Variants in PCBP3 observed in about 807,000 individuals in gnomAD.
The protein encoded by PCBP3 is poly(rC)-binding protein 3.
PCBP3 carries 25 observed loss-of-function variants against 52.7 expected under a neutral mutation model. The observed-to-expected ratio is 0.47, with a 90% CI of 0.35 to 0.66. The LOEUF is 0.66. Among genes scored for constraint, PCBP3 ranks in the 30% least tolerant of loss-of-function variants. The pLI is 0.01. For missense variants in PCBP3, 391 were observed against 490.3 expected (o/e 0.80, Z 1.91); for synonymous variants, 162 against 183.0 (o/e 0.89, Z 0.93).
At chr21:45,703,792 A>T (rs1164832973) in intron 2 of PCBP3, among the ~76,000 whole-genome samples, 6 of 152,006 alleles carry the variant, frequency 3.9e-5, no homozygotes, top group Admixed American at 3.9e-4. Context: ...GTTTGGTGAT[A>T]CATCTCCTGG....
intron 5 of PCBP3, among the ~76,000 whole-genome samples, chr21:45,885,193 T>C (rs1373564096): frequency 1.3e-5 from 2 of 152,208 alleles, no homozygotes; most frequent in African/African-American, 2.4e-5. Context: ...TTCTGTCCTT[T>C]TCAGCACTGA....
At chr21:45,738,505 C>T (rs1256189363) in intron 3 of PCBP3, among the ~76,000 whole-genome samples, 5 of 152,190 alleles carry the variant, frequency 3.3e-5, no homozygotes, top group Admixed American at 6.5e-5. Context: ...CCACACGCCT[C>T]GGCCTCCCAA....
chr21:45,918,036 A>C lies in PCBP3; in HGVS notation c.717+407A>C, dbSNP rs533781092. The C allele has an allele frequency of 1.1e-3, 317 of 284,248 alleles. 2 individuals are homozygous for C. The highest frequency in any genetic ancestry group is 1.3e-3 in the Non-Finnish European group (189 of 145,790). 17.6% of individuals were successfully genotyped at this position (284,248 alleles called of 1,614,324 possible). ...AAACAGGCCACAAAGATACCTTGGC[A>C]AGCACATTTGAGGGCCTGGTGAAAT... On this transcript the variant is annotated intron_variant, in intron 13 of 17. Coordinates refer to ENST00000681687, the MANE Select transcript of PCBP3 (RefSeq NM_001384156.1).
At chr21:45,865,490 G>A (rs2094682827) in intron 5 of PCBP3, among the ~76,000 whole-genome samples, 1 of 152,190 alleles carries the variant, frequency 6.6e-6, no homozygotes, top group Non-Finnish European at 1.5e-5. Context: ...AAGCAACAAG[G>A]TGATGTCCCC....
chr21:45,792,640 G>A (rs1018903639), intron 4 of PCBP3, among the ~76,000 whole-genome samples: 1 of 152,228 alleles, frequency 6.6e-6, no homozygotes, highest in Non-Finnish European at 1.5e-5. Flanking sequence ...ACTGCAGTCA[G>A]AGGACCAGAT....
chr21:45,773,898 C>T (rs2090062658), intron 4 of PCBP3, among the ~76,000 whole-genome samples: 2 of 152,172 alleles, frequency 1.3e-5, no homozygotes, highest in Admixed American at 6.5e-5. Context: ...GTGTCATCTT[C>T]AATTTCTTTC....
At chr21:45,884,849 A>AT (rs2095482200) in intron 5 of PCBP3, among the ~76,000 whole-genome samples, 1 of 152,126 alleles carries the variant, frequency 6.6e-6, no homozygotes, top group Non-Finnish European at 1.5e-5. Context: ...TTCCTTTATA[A>AT]TTTTTTTACT....
intron 16 of PCBP3, among the ~76,000 whole-genome samples, chr21:45,939,345 C>T (rs779868569): frequency 1.3e-5 from 2 of 152,248 alleles, no homozygotes; most frequent in Non-Finnish European, 2.9e-5. Context: ...CCCCTCATGG[C>T]TGCCCCATAG....
At chr21:45,874,472 A>T (rs2095168130) in intron 5 of PCBP3, among the ~76,000 whole-genome samples, 1 of 146,604 alleles carries the variant, frequency 6.8e-6, no homozygotes, top group Admixed American at 6.8e-5. Context: ...CTTCTTTCTG[A>T]TGGCCTTATA....
chr21:45,936,103 T>C (rs1012968413), intron 16 of PCBP3, among the ~76,000 whole-genome samples: 5 of 152,192 alleles, frequency 3.3e-5, no homozygotes, highest in African/African-American at 1.2e-4. Context: ...TTCTGCCCCT[T>C]TACACCTGCT....
chr21:45,934,875 T>C (rs146622511), intron 15 of PCBP3, among the ~76,000 whole-genome samples: 4 of 152,278 alleles, frequency 2.6e-5, no homozygotes, highest in Non-Finnish European at 4.4e-5. Flanking sequence ...CCCTGGGTGC[T>C]GCACAGAGAC....
chr21:45,740,337 C>T (rs1342038882), intron 3 of PCBP3, among the ~76,000 whole-genome samples: 3 of 152,156 alleles, frequency 2.0e-5, no homozygotes, highest in African/African-American at 7.2e-5. Flanking sequence ...TGTTAGCATC[C>T]GGGATGACTT....
rs543430947 is a variant in PCBP3, at chr21:45,731,311, C to G, written c.-199-4081C>G. 4.6e-5 allele frequency among the ~76,000 whole-genome samples: 7 copies of G among 152,322 alleles called. 1 individual carries two copies. In the East Asian group the frequency reaches 7.7e-4, roughly 17 times the overall value. On this transcript the variant is annotated intron_variant, in intron 2 of 17. Coordinates refer to ENST00000681687, the MANE Select transcript of PCBP3 (RefSeq NM_001384156.1). ...CAGGGATAAATCTCCAAAGCAACGC[C>G]TCCCTGAACAACGCTGAAAACACCG...
At chr21:45,883,860 T>C (rs9653780) in intron 5 of PCBP3, among the ~76,000 whole-genome samples, 116,435 of 152,206 alleles carry the variant, frequency 0.76, 45,000 homozygotes, top group East Asian at 1. Flanking sequence ...ATTGGTGTAT[T>C]TGGACCATTT....
At chr21:45,914,081 AC>A in intron 12 of PCBP3, 56 bp downstream of exon 12, 1 of 1,563,000 alleles carries the variant, frequency 6.4e-7, no homozygotes, top group South Asian at 1.2e-5. Context: ...TTACTGCAGC[AC>A]CCGCCGCTGC....
Position 45,929,912 on chromosome 21 carries a change from C to A in PCBP3, c.718-5C>A. The A allele has an allele frequency of 6.2e-7, 1 of 1,612,526 alleles. No homozygotes were observed. Among genetic ancestry groups the A allele is most frequent in the Non-Finnish European group, 8.5e-7 (1 of 1,178,718 alleles). On this transcript the variant is annotated splice_polypyrimidine_tract_variant and splice_region_variant and intron_variant, in intron 13 of 17. Coordinates refer to ENST00000681687, the MANE Select transcript of PCBP3 (RefSeq NM_001384156.1). ...TTCTTAGCTCTCGTGTCCCTCCTACCCCAGCAGTTGACCAAGCTCCACCAG... is the reference window on the plus strand; with the variant it reads ...TTCTTAGCTCTCGTGTCCCTCCTACACCAGCAGTTGACCAAGCTCCACCAG...
At chr21:45,740,483 G>A (rs754738904) in intron 3 of PCBP3, among the ~76,000 whole-genome samples, 43 of 152,218 alleles carry the variant, frequency 2.8e-4, no homozygotes, top group Non-Finnish European at 5.4e-4. Context: ...TGTTTTTAAA[G>A]GGCAAAAGTC....
intron 4 of PCBP3, among the ~76,000 whole-genome samples, chr21:45,846,611 G>A (rs2093818190): frequency 6.6e-6 from 1 of 152,162 alleles, no homozygotes; most frequent in Non-Finnish European, 1.5e-5. Flanking sequence ...AATGATTGCT[G>A]TTCTTAGGTT....
intron 2 of PCBP3, among the ~76,000 whole-genome samples, chr21:45,734,016 C>T (rs187981043): frequency 3.9e-5 from 6 of 152,280 alleles, no homozygotes; most frequent in Non-Finnish European, 7.3e-5. Flanking sequence ...TGAAAGACAT[C>T]GTAAACTTTG....
Sources: gnomAD v4.1 joint callset for allele counts (sites outside exome capture counted in the v4.1 genomes callset) on GRCh38, gnomAD v4.1.1 for gene constraint, MANE v1.5 for transcripts, NCBI Gene and HGNC (gene_info 2026-07-23, HGNC 2026-07-21) for gene names.